Variants in GPC6 observed in about 807,000 individuals in gnomAD.
The protein encoded by GPC6 is glypican-6.
Under a neutral mutation model 55.2 loss-of-function variants are expected in GPC6, and 14 were observed. The ratio of observed to expected loss-of-function variants is 0.25; its 90% CI spans 0.17 to 0.40. GPC6 has a LOEUF of 0.40. GPC6 is among the 10% of genes least tolerant of loss of function. The pLI is 1.00. For missense variants in GPC6, 641 were observed against 708.5 expected (o/e 0.90, Z 1.08); for synonymous variants, 278 against 259.6 (o/e 1.07, Z -0.68).
At chr13:93,241,349 T>C (rs1323084994) in intron 1 of GPC6, among the ~76,000 whole-genome samples, 6 of 152,224 alleles carry the variant, frequency 3.9e-5, no homozygotes, top group Non-Finnish European at 7.3e-5. Flanking sequence ...GATTCTTTTT[T>C]CTTTGTTTTT....
intron 1 of GPC6, among the ~76,000 whole-genome samples, chr13:93,276,493 A>T (rs9523987): frequency 0.13 from 12,137 of 91,280 alleles, 604 homozygotes; most frequent in African/African-American, 0.23. Flanking sequence ...AGAGAGAGAG[A>T]GAGTGTGTGT....
At chr13:94,031,471 A>T (rs911479453) in intron 4 of GPC6, among the ~76,000 whole-genome samples, 8 of 152,126 alleles carry the variant, frequency 5.3e-5, no homozygotes, top group Non-Finnish European at 1.0e-4. Context: ...CTTACGTAGC[A>T]CCCCTGAGCT....
intron 1 of GPC6, among the ~76,000 whole-genome samples, chr13:93,300,240 TTTTA>T (rs1878628168): frequency 6.6e-6 from 1 of 152,204 alleles, no homozygotes; most frequent in Non-Finnish European, 1.5e-5. Context: ...GGTGTTTATA[TTTTA>T]GCATTGCATT....
intron 2 of GPC6, among the ~76,000 whole-genome samples, chr13:93,788,329 G>A (rs1310085178): frequency 6.6e-6 from 1 of 152,032 alleles, no homozygotes; most frequent in African/African-American, 2.4e-5. Flanking sequence ...TTTTATAGGG[G>A]CCTTTATCTT....
intron 2 of GPC6, among the ~76,000 whole-genome samples, chr13:93,775,058 A>G (rs1047452441): frequency 6.6e-6 from 1 of 152,194 alleles, no homozygotes; most frequent in Non-Finnish European, 1.5e-5. Flanking sequence ...TGCTGCATAT[A>G]TAATAGAACA....
At chr13:93,256,827 G>A (rs1262663860) in intron 1 of GPC6, among the ~76,000 whole-genome samples, 1 of 152,136 alleles carries the variant, frequency 6.6e-6, no homozygotes, top group Admixed American at 6.6e-5. Context: ...AGTATGAGGT[G>A]TCATCAAAGG....
chr13:93,814,420 ATTGG>A (rs1886786310), intron 2 of GPC6, among the ~76,000 whole-genome samples: 1 of 152,206 alleles, frequency 6.6e-6, no homozygotes, highest in African/African-American at 2.4e-5. Context: ...ATGCTAAATC[ATTGG>A]TATTTTCAAC....
At chr13:93,932,973 C>CTTTTTTTTTT (rs59362571) in intron 3 of GPC6, among the ~76,000 whole-genome samples, 1 of 102,382 alleles carries the variant, frequency 9.8e-6, no homozygotes, top group African/African-American at 3.6e-5. Context: ...TTGTTTTGTT[C>CTTTTTTTTTT]TTTTTTTTTT....
chr13:93,936,134 G>T (rs996649805), intron 3 of GPC6, among the ~76,000 whole-genome samples: 1 of 152,128 alleles, frequency 6.6e-6, no homozygotes, highest in Admixed American at 6.6e-5. Context: ...GTTATATTTG[G>T]ATTGTAGAGA....
At chr13:94,162,538 C>T (rs1343499544) in intron 4 of GPC6, among the ~76,000 whole-genome samples, 3 of 152,120 alleles carry the variant, frequency 2.0e-5, no homozygotes, top group East Asian at 1.9e-4. Context: ...GTGAGGGCTA[C>T]CCTGGCACCT....
At chr13:94,284,177 C>T (rs551446032) in intron 4 of GPC6, among the ~76,000 whole-genome samples, 104 of 152,192 alleles carry the variant, frequency 6.8e-4, no homozygotes, top group Non-Finnish European at 1.0e-3. Flanking sequence ...TGCAGACCCT[C>T]TGTCCGCCTG....
At chr13:94,013,964 T>C (rs965050560) in intron 3 of GPC6, among the ~76,000 whole-genome samples, 12 of 152,198 alleles carry the variant, frequency 7.9e-5, no homozygotes, top group African/African-American at 2.9e-4. Flanking sequence ...CTGGGGAGGT[T>C]CCTAGTTAAT....
chr13:93,637,092 G>A (rs1879733124), intron 2 of GPC6, among the ~76,000 whole-genome samples: 1 of 151,958 alleles, frequency 6.6e-6, no homozygotes, highest in Non-Finnish European at 1.5e-5. Context: ...TTATTTGGAG[G>A]GGATGGGGGC....
chr13:93,668,957 C>T (rs780115646), intron 2 of GPC6, among the ~76,000 whole-genome samples: 1 of 152,068 alleles, frequency 6.6e-6, no homozygotes, highest in Non-Finnish European at 1.5e-5. Context: ...CCCTGTTATT[C>T]GAATAAGATA....
At chr13:94,357,901 T>C (rs116033049) in intron 6 of GPC6, among the ~76,000 whole-genome samples, 7,564 of 152,268 alleles carry the variant, frequency 0.05, 606 homozygotes, top group African/African-American at 0.17. Flanking sequence ...GTAGAACCGA[T>C]GTCTTTTCAT....
At chr13:94,114,870 T>G (rs896849673) in intron 4 of GPC6, among the ~76,000 whole-genome samples, 3 of 150,314 alleles carry the variant, frequency 2.0e-5, no homozygotes, top group African/African-American at 5.0e-5. Flanking sequence ...GGTAGTACTG[T>G]TTTTTTTTCC....
At chr13:93,443,384 G>A (rs1340631726) in intron 1 of GPC6, among the ~76,000 whole-genome samples, 2 of 152,142 alleles carry the variant, frequency 1.3e-5, no homozygotes. Flanking sequence ...AGCTGAACGA[G>A]GAGTCTGGCT....
intron 4 of GPC6, among the ~76,000 whole-genome samples, chr13:94,164,564 T>C (rs918415907): frequency 6.6e-6 from 1 of 152,224 alleles, no homozygotes; most frequent in Admixed American, 6.5e-5. Flanking sequence ...GAAAGTCACA[T>C]CCAGTTAAAT....
At chr13:93,693,256 ATAAC>A (rs780111822) in intron 2 of GPC6, among the ~76,000 whole-genome samples, 35 of 152,154 alleles carry the variant, frequency 2.3e-4, no homozygotes, top group Non-Finnish European at 7.4e-5. Flanking sequence ...TTTCACATAA[ATAAC>A]AATCAAGGTA....
Sources: allele counts gnomAD v4.1 joint callset (sites outside exome capture counted in the v4.1 genomes callset), GRCh38; gene constraint gnomAD v4.1.1; transcripts MANE v1.5; gene names NCBI Gene and HGNC (gene_info 2026-07-23, HGNC 2026-07-21).